KNTC1: variants seen among roughly 807,000 people sequenced by gnomAD.
The protein encoded by KNTC1 is kinetochore associated 1, also known as kinetochore-associated protein 1.
KNTC1 carries 253 observed loss-of-function variants against 314.4 expected under a neutral mutation model. The ratio of observed to expected loss-of-function variants is 0.80; its 90% CI spans 0.73 to 0.89. KNTC1 has a LOEUF of 0.89. Among genes scored for constraint, KNTC1 ranks in the 40% least tolerant of loss-of-function variants. The pLI, the probability that KNTC1 is intolerant of heterozygous loss-of-function variation, is 0.00. For missense variants in KNTC1, 2,475 were observed against 2,572.9 expected, an observed-to-expected ratio of 0.96 and a Z score of 0.82; for synonymous variants, 901 against 901.4, an observed-to-expected ratio of 1.00 and a Z score of 0.01.
intron 51 of KNTC1, among the ~76,000 whole-genome samples, chr12:122,608,391 A>G (rs1218258321): frequency 6.6e-6 from 1 of 152,128 alleles, no homozygotes; most frequent in African/African-American, 2.4e-5. Context: ...CGGCCTCCCA[A>G]AGTGCTGGGA....
chr12:122,594,889 C>T (rs1870811881), intron 43 of KNTC1, among the ~76,000 whole-genome samples: 1 of 152,086 alleles, frequency 6.6e-6, no homozygotes, highest in African/African-American at 2.4e-5. Flanking sequence ...TATTTAACTT[C>T]TTTCTTTATT....
In KNTC1 at chr12:122,610,853, G is replaced by T. The variant is rs774847008; in HGVS notation, c.5575G>T (p.Asp1859Tyr). ...VQYLLLSRPI[D>Y]YSSRMLFVFA... The stretch of plus-strand genomic sequence containing the variant: ...GTATCTCCTCCTGTCTCGTCCAATT[G>T]ATTATAGTTCAAGAATGCTGTTTGT... The change falls in exon 53 of 64, where the codon GAT becomes TAT. Residue 1859 changes from aspartate to tyrosine, a missense_variant. By Grantham distance (160) the Asp-to-Tyr change is radical. Coordinates refer to ENST00000333479, the MANE Select transcript of KNTC1 (RefSeq NM_014708.6). The T allele has an allele frequency of 5.6e-6, 9 of 1,613,272 alleles. No individual in the cohort carries two copies. In the South Asian group the frequency reaches 8.8e-5, roughly 16 times the overall value.
At chr12:122,558,207 T>G (rs150421201) in intron 18 of KNTC1, among the ~76,000 whole-genome samples, 1,609 of 152,052 alleles carry the variant, frequency 0.011, 28 homozygotes, top group African/African-American at 0.037. Flanking sequence ...CTAAAATTGT[T>G]CCACTGCTCT....
chr12:122,532,449 C>T (rs1173575481), intron 2 of KNTC1, among the ~76,000 whole-genome samples: 1 of 151,976 alleles, frequency 6.6e-6, no homozygotes, highest in Non-Finnish European at 1.5e-5. Flanking sequence ...CCTTGTGATC[C>T]ACCCACCTCG....
rs1215084868 is a variant in KNTC1, at chr12:122,597,865, A to G, written c.4490A>G (p.Lys1497Arg). 1.2e-6 allele frequency: 2 copies of G among 1,614,038 alleles called. No homozygotes were observed. Among genetic ancestry groups the G allele is most frequent in the Non-Finnish European group, 1.7e-6 (2 of 1,179,884 alleles). Residue 1497 changes from lysine (K) to arginine (R), a missense_variant, in exon 44 of 64, where the codon AAA becomes AGA. Coordinates refer to ENST00000333479, the MANE Select transcript of KNTC1 (RefSeq NM_014708.6). ...AKRRHPKLLA[K>R]ALEMVPLLTS... ...CGGCGGCATCCCAAACTCCTGGCCAAAGCCCTTGAGATGGTTCCTTTACTG... is the reference window on the plus strand; with the variant it reads ...CGGCGGCATCCCAAACTCCTGGCCAGAGCCCTTGAGATGGTTCCTTTACTG...
chr12:122,550,475 C>T (rs1023592924), intron 13 of KNTC1, among the ~76,000 whole-genome samples: 1 of 151,914 alleles, frequency 6.6e-6, no homozygotes, highest in East Asian at 1.9e-4. Flanking sequence ...TCAAGAATCA[C>T]TCATCAAATT....
intron 4 of KNTC1, 50 bp downstream of exon 4, chr12:122,538,504 T>C: frequency 9.7e-7 from 1 of 1,034,808 alleles, no homozygotes; most frequent in Non-Finnish European, 1.4e-6. Context: ...CTAAATAATC[T>C]CTTAGACAAC....
At chr12:122,589,990 A>G (rs185495804) in intron 40 of KNTC1, among the ~76,000 whole-genome samples, 1 of 151,840 alleles carries the variant, frequency 6.6e-6, no homozygotes, top group Non-Finnish European at 1.5e-5. Context: ...TCACTGTGTT[A>G]GCCAGGATGG....
chr12:122,566,005 T>G (rs1026617734), intron 20 of KNTC1, among the ~76,000 whole-genome samples: 1 of 147,726 alleles, frequency 6.8e-6, no homozygotes, highest in Non-Finnish European at 1.5e-5. Flanking sequence ...TGCAGTGGCA[T>G]GATCTCGGCT....
At position 122,621,868 on chromosome 12, in the gene KNTC1, G is replaced by T; in HGVS notation, c.6280-13G>T. ...AACAATTTTCTATTAATTCTGCTTT[G>T]ATTTTTCTCTAGAATTTTCTGGGTT... On this transcript the variant is annotated splice_polypyrimidine_tract_variant and intron_variant, in intron 60 of 63. Coordinates refer to ENST00000333479, the MANE Select transcript of KNTC1 (RefSeq NM_014708.6). 1.3e-6 allele frequency: 2 copies of T among 1,530,932 alleles called. No homozygotes were observed. The highest frequency in any genetic ancestry group is 2.4e-5 in the South Asian group (2 of 84,378). The allele number at this position is 1,530,932 out of a possible 1,614,324, so 94.8% of individuals were successfully genotyped here.
chr12:122,547,725 T>C (rs1000260127), intron 11 of KNTC1, among the ~76,000 whole-genome samples, 190 bp from the exon 12 acceptor site: 1 of 152,264 alleles, frequency 6.6e-6, no homozygotes, highest in Admixed American at 6.5e-5. Context: ...TGTTAGAAAC[T>C]GTCAGTCTGG....
intron 32 of KNTC1, 65 bp from the exon 33 acceptor site, chr12:122,580,538 T>G (rs1965341119): frequency 9.7e-7 from 1 of 1,029,206 alleles, no homozygotes; most frequent in African/African-American, 1.6e-5. Context: ...AAATTTCTTC[T>G]TTTTAAAATT....
At chr12:122,561,834 A>T (rs563028697) in intron 18 of KNTC1, 87 bp from the exon 19 acceptor site, 53 of 1,101,366 alleles carry the variant, frequency 4.8e-5, no homozygotes, top group Non-Finnish European at 5.7e-5. Flanking sequence ...ATTTAAAAAA[A>T]TTTTTTGTTA....
intron 44 of KNTC1, among the ~76,000 whole-genome samples, chr12:122,598,374 C>T (rs527896296): frequency 1.3e-5 from 2 of 150,304 alleles, no homozygotes; most frequent in African/African-American, 2.4e-5. Flanking sequence ...ATTTCTTTTT[C>T]ATCTTTTTCA....
At chr12:122,572,352 G>A (rs1293917377) in intron 24 of KNTC1, among the ~76,000 whole-genome samples, 1 of 151,970 alleles carries the variant, frequency 6.6e-6, no homozygotes, top group East Asian at 1.9e-4. Flanking sequence ...CCGAGATTGT[G>A]CCACTGCACT....
At chr12:122,529,872 T>C (rs57510375) in intron 1 of KNTC1, 119 bp from the exon 2 acceptor site, 9,992 of 479,216 alleles carry the variant, frequency 0.021, 803 homozygotes, top group African/African-American at 0.18. Flanking sequence ...CCGAAGTGTT[T>C]AGTGGCCACA....
chr12:122,613,127 C>A lies in KNTC1; in HGVS notation c.5638C>A (p.Gln1880Lys), dbSNP rs550193120. The A allele has an allele frequency of 1.2e-6, 2 of 1,609,588 alleles. No homozygotes were observed. The highest frequency in any genetic ancestry group is 4.5e-5 in the East Asian group (2 of 44,838). The change falls in exon 54 of 64, where the codon CAG becomes AAG. Residue 1880 changes from glutamine to lysine, a missense_variant. Transcript: ENST00000333479. ...GGTTTTTCAGACATTAGGTATGCAT[C>A]AGTTAACTTTTGCCCATAGAACTCG... ...TSTTTTLGMH[Q>K]LTFAHRTRAL...
intron 27 of KNTC1, 121 bp from the exon 28 acceptor site, chr12:122,575,422 G>A (rs1324203899): frequency 6.0e-6 from 4 of 671,066 alleles, no homozygotes; most frequent in African/African-American, 3.6e-5. Context: ...CCAGTGAGTG[G>A]ATGAAATATT....
At chr12:122,578,372 G>T (rs1965169780) in intron 31 of KNTC1, among the ~76,000 whole-genome samples, 1 of 151,044 alleles carries the variant, frequency 6.6e-6, no homozygotes, top group African/African-American at 2.4e-5. Flanking sequence ...CTCCCAAGTA[G>T]CTGGGATTAC....
Sources: gnomAD v4.1 joint callset for allele counts (sites outside exome capture counted in the v4.1 genomes callset) on GRCh38, gnomAD v4.1.1 for gene constraint, MANE v1.5 for transcripts, NCBI Gene and HGNC (gene_info 2026-07-23, HGNC 2026-07-21) for gene names.